The following CPE variants were observed in gnomAD, a reference collection of about 807,000 sequenced individuals.
CPE encodes the protein carboxypeptidase E, also known as carbocypeptidase E.
Under a neutral mutation model 53.5 loss-of-function variants are expected in CPE, and 17 were observed. The observed-to-expected ratio is 0.32, with a 90% confidence interval of 0.22 to 0.48. The LOEUF is 0.48. CPE is among the 20% of genes least tolerant of loss of function. The probability of loss-of-function intolerance (pLI) is 0.99; values close to 1 mark genes in which losing one functional copy is unlikely to be tolerated. For missense variants in CPE, 524 were observed against 614.7 expected (o/e 0.85, Z 1.56); for synonymous variants, 226 against 228.8 (o/e 0.99, Z 0.11).
intron 1 of CPE, chr4:165,405,269 G>T: frequency 2.1e-6 from 2 of 953,458 alleles, no homozygotes; most frequent in Non-Finnish European, 3.5e-6. Flanking sequence ...ACCAGGAATA[G>T]CCAGATGCTT....
rs1373435278 is a variant in CPE at position 165,482,362 on chromosome 4, A to T, written c.790+3A>T. 6.3e-7 allele frequency: 1 copy of T among 1,587,558 alleles called. No individual in the cohort carries two copies. Among genetic ancestry groups the T allele is most frequent in the Non-Finnish European group, 8.6e-7 (1 of 1,156,206 alleles). Reference sequence around the variant, plus strand: ...TCCATATGATGAGACGCGGAGTGGTAGGTATTCTTTCTGCTTCTCTTATTG... The same window carrying T: ...TCCATATGATGAGACGCGGAGTGGTTGGTATTCTTTCTGCTTCTCTTATTG... On this transcript the variant is annotated splice_donor_region_variant and intron_variant, in intron 4 of 8. Coordinates refer to ENST00000402744, the MANE Select transcript of CPE (RefSeq NM_001873.4).
chr4:165,385,815 T>C (rs1415116915), intron 1 of CPE, among the ~76,000 whole-genome samples: 1 of 152,202 alleles, frequency 6.6e-6, no homozygotes, highest in African/African-American at 2.4e-5. Flanking sequence ...AATATCAACA[T>C]TTTCATTGGC....
chr4:165,490,917 G>A (rs541498955), intron 6 of CPE, among the ~76,000 whole-genome samples: 3 of 152,156 alleles, frequency 2.0e-5, no homozygotes, highest in East Asian at 1.9e-4. Flanking sequence ...TGCAGGCACC[G>A]CAAGTGTAGT....
intron 1 of CPE, among the ~76,000 whole-genome samples, chr4:165,408,631 T>C (rs997932113): frequency 2.0e-5 from 3 of 152,238 alleles, no homozygotes; most frequent in Non-Finnish European, 4.4e-5. Flanking sequence ...CAGAATCACC[T>C]GGAGGGCTTG....
chr4:165,472,615 A>G (rs1732227721), intron 3 of CPE, among the ~76,000 whole-genome samples: 1 of 152,242 alleles, frequency 6.6e-6, no homozygotes, highest in Non-Finnish European at 1.5e-5. Context: ...GAAAAACTGA[A>G]CAATAGTTCT....
intron 8 of CPE, among the ~76,000 whole-genome samples, chr4:165,497,025 A>C (rs929644996): frequency 1.3e-5 from 2 of 151,958 alleles, no homozygotes; most frequent in Non-Finnish European, 2.9e-5. Flanking sequence ...CGGGTTCAAG[A>C]AATTCTCCTG....
intron 2 of CPE, among the ~76,000 whole-genome samples, chr4:165,467,178 C>A (rs190022707): frequency 1.3e-5 from 2 of 152,056 alleles, no homozygotes; most frequent in South Asian, 4.1e-4. Context: ...AAAAACTTAG[C>A]CTAGCATGAT....
At position 165,379,545 on chromosome 4, in the gene CPE, C is replaced by T; in HGVS notation, c.307+17C>T. ...ATGAGCCTGGTAAGGGCGCTGCCCC[C>T]TGACAGCCCTGGGGGCATCCCGGAG... On this transcript the variant is annotated intron_variant, in intron 1 of 8. Coordinates refer to ENST00000402744, the MANE Select transcript of CPE (RefSeq NM_001873.4). This position sits in a 1 kb window ranked among gnomAD's most constrained non-coding sequence, Gnocchi z 6.0. The T allele has an allele frequency of 6.9e-7, 1 of 1,448,530 alleles. No homozygotes were observed. The allele number at this position is 1,448,530 out of a possible 1,614,324, so 89.7% of individuals were successfully genotyped here.
intron 1 of CPE, among the ~76,000 whole-genome samples, chr4:165,443,877 A>C (rs573203199): frequency 1.1e-4 from 16 of 152,238 alleles, no homozygotes; most frequent in African/African-American, 3.9e-4. Context: ...AATCCTTATG[A>C]ATGGGATTAG....
At position 165,442,023 on chromosome 4, in the gene CPE, G is replaced by GTTTTTTTTTTTTT. The variant is rs11415472; in HGVS notation, c.308-22355_308-22354insTTTTTTTTTTTTT. Among the ~76,000 whole-genome samples the GTTTTTTTTTTTTT allele has an allele frequency of 1.1e-4, 12 of 107,428 alleles. 1 individual carries two copies. The highest frequency in any genetic ancestry group is 1.6e-4 in the African/African-American group (4 of 25,072). The allele number at this position is 107,428 out of a possible 152,430, so 70.5% of individuals were successfully genotyped here. A position where few individuals can be genotyped will look rare whatever the true frequency, so the allele number is the denominator to read the frequency against. The stretch of plus-strand genomic sequence containing the variant: ...CTTCCTACAGCAAGACGGTGAGTTT[G>GTTTTTTTTTTTTT]TTTTTTTTTTTTGTTTTTTTTTTGT... On this transcript the variant is annotated intron_variant, in intron 1 of 8. Transcript: ENST00000402744.
intron 5 of CPE, 130 bp downstream of exon 5, chr4:165,484,734 T>G: frequency 1.1e-6 from 1 of 876,908 alleles, no homozygotes; most frequent in Non-Finnish European, 1.7e-6. Flanking sequence ...ACTGAATCTA[T>G]AGTTCTTCCA....
intron 1 of CPE, among the ~76,000 whole-genome samples, chr4:165,463,226 C>T (rs547409428): frequency 2.6e-5 from 4 of 152,098 alleles, no homozygotes; most frequent in Non-Finnish European, 5.9e-5. Flanking sequence ...ATGCCTTACA[C>T]ATTTTAGTGG....
At chr4:165,490,023 G>A (rs1732573318) in intron 6 of CPE, among the ~76,000 whole-genome samples, 1 of 152,178 alleles carries the variant, frequency 6.6e-6, no homozygotes. Context: ...AACAAAGGCT[G>A]ATGAAAAATC....
chr4:165,443,551 G>A (rs922328194), intron 1 of CPE, among the ~76,000 whole-genome samples: 2 of 152,126 alleles, frequency 1.3e-5, no homozygotes, highest in African/African-American at 2.4e-5. Flanking sequence ...GCAGATGGCC[G>A]CCTCCTCACT....
chr4:165,403,977 C>T, intron 1 of CPE: 1 of 656,372 alleles, frequency 1.5e-6, no homozygotes, highest in Admixed American at 2.0e-5. Flanking sequence ...TCTCGTTACT[C>T]TGATAAATCT....
intron 1 of CPE, among the ~76,000 whole-genome samples, chr4:165,384,057 G>T (rs149760756): frequency 6.6e-6 from 1 of 152,166 alleles, no homozygotes; most frequent in African/African-American, 2.4e-5. Context: ...GGTGGCAGAC[G>T]ACTCATTTGC....
chr4:165,436,191 T>TACAC (rs35269093), intron 1 of CPE, among the ~76,000 whole-genome samples: 52 of 149,402 alleles, frequency 3.5e-4, no homozygotes, highest in East Asian at 9.8e-4. Context: ...CCAGCACACA[T>TACAC]ACACACACAC....
chr4:165,482,347 G>A lies in CPE; in HGVS notation c.778G>A (p.Glu260Lys). ...GDLVANYPYD[E>K]TRSGSAHEYS... ...CCTTGTGGCCAATTATCCATATGAT[G>A]AGACGCGGAGTGGTAGGTATTCTTT... is the stretch of plus-strand genomic sequence containing the variant. The change falls in exon 4 of 9, where the codon GAG becomes AAG. Residue 260 changes from glutamate to lysine, a missense_variant. By Grantham distance (56) the Glu-to-Lys change is moderately conservative. Coordinates refer to ENST00000402744, the MANE Select transcript of CPE (RefSeq NM_001873.4). The A allele has an allele frequency of 6.2e-7, 1 of 1,609,554 alleles. No individual in the cohort carries two copies. The highest frequency in any genetic ancestry group is 8.5e-7 in the Non-Finnish European group (1 of 1,175,916).
intron 1 of CPE, among the ~76,000 whole-genome samples, chr4:165,441,914 G>A (rs1443765619): frequency 6.6e-6 from 1 of 152,008 alleles, no homozygotes; most frequent in Non-Finnish European, 1.5e-5. Context: ...TGTATGAAAG[G>A]TAGCGTTCTT....
Sources: allele counts gnomAD v4.1 joint callset (sites outside exome capture counted in the v4.1 genomes callset), GRCh38; gene constraint gnomAD v4.1.1; non-coding constraint Gnocchi (gnomAD v3.1); transcripts MANE v1.5; gene names NCBI Gene and HGNC (gene_info 2026-07-23, HGNC 2026-07-21).